Variants in PPM1H observed in about 807,000 individuals in gnomAD.
PPM1H encodes protein phosphatase, Mg2+/Mn2+ dependent 1H, also known as protein phosphatase 1H.
Under a neutral mutation model 54.9 loss-of-function variants are expected in PPM1H, and 27 were observed. That is an observed-to-expected ratio of 0.49 (90% CI 0.36 to 0.68). The LOEUF is 0.68. Among genes scored for constraint, PPM1H ranks in the 30% least tolerant of loss-of-function variants. The pLI, the probability that PPM1H is intolerant of heterozygous loss-of-function variation, is 0.00. For missense variants in PPM1H, 596 were observed against 667.8 expected (o/e 0.89, Z 1.19); for synonymous variants, 305 against 270.8 (o/e 1.13, Z -1.24).
At chr12:62,838,869 C>T (rs1467543135) in intron 1 of PPM1H, among the ~76,000 whole-genome samples, 11 of 90,750 alleles carry the variant, frequency 1.2e-4, no homozygotes, top group Non-Finnish European at 2.1e-4. Context: ...TGCAGTGAGC[C>T]GAGATCGCGC....
At chr12:62,671,722 C>T (rs917948687) in intron 8 of PPM1H, among the ~76,000 whole-genome samples, 18 of 152,208 alleles carry the variant, frequency 1.2e-4, no homozygotes, top group African/African-American at 4.3e-4. Context: ...CCATGGGTCC[C>T]TTCTTGCACC....
intron 6 of PPM1H, among the ~76,000 whole-genome samples, chr12:62,701,405 C>G (rs919437025): frequency 6.6e-6 from 1 of 152,218 alleles, no homozygotes; most frequent in Non-Finnish European, 1.5e-5. Context: ...TATAGGACTT[C>G]TCCACCATAA....
At chr12:62,850,199 T>G (rs185815423) in intron 1 of PPM1H, among the ~76,000 whole-genome samples, 4 of 152,210 alleles carry the variant, frequency 2.6e-5, no homozygotes, top group African/African-American at 9.6e-5. Flanking sequence ...ACTCCTGGGC[T>G]CAAGCAATCA....
At chr12:62,894,569 T>C (rs1870916018) in intron 1 of PPM1H, among the ~76,000 whole-genome samples, 1 of 152,222 alleles carries the variant, frequency 6.6e-6, no homozygotes, top group Non-Finnish European at 1.5e-5. Context: ...TTCCGTGTCC[T>C]CATCTATAAA....
intron 1 of PPM1H, among the ~76,000 whole-genome samples, chr12:62,904,291 T>A (rs1417929486): frequency 3.3e-5 from 5 of 151,974 alleles, no homozygotes; most frequent in Non-Finnish European, 7.4e-5. Flanking sequence ...CAGGCTGGAG[T>A]GCAGTGGCAT....
chr12:62,733,067 C>T (rs1048162572), intron 5 of PPM1H, among the ~76,000 whole-genome samples: 5 of 152,062 alleles, frequency 3.3e-5, no homozygotes, highest in Non-Finnish European at 5.9e-5. Context: ...AGTTACTTTT[C>T]GTTTTAATTT....
chr12:62,837,941 G>A (rs1219348787), intron 1 of PPM1H, among the ~76,000 whole-genome samples: 3 of 152,164 alleles, frequency 2.0e-5, no homozygotes, highest in Admixed American at 2.0e-4. Context: ...TCCCAGAACA[G>A]GGACCTCCTC....
At chr12:62,806,529 T>G (rs1225811527) in intron 2 of PPM1H, among the ~76,000 whole-genome samples, 3 of 152,158 alleles carry the variant, frequency 2.0e-5, no homozygotes, top group Non-Finnish European at 4.4e-5. Flanking sequence ...ATCCCCAGTG[T>G]TGGAGGAGGG....
intron 4 of PPM1H, among the ~76,000 whole-genome samples, chr12:62,784,958 T>C (rs1172700827): frequency 6.6e-6 from 1 of 152,212 alleles, no homozygotes; most frequent in Admixed American, 6.5e-5. Context: ...AAAACCCAAA[T>C]AATCAACTAC....
chr12:62,808,678 A>G (rs919335470), intron 2 of PPM1H, among the ~76,000 whole-genome samples: 2 of 152,008 alleles, frequency 1.3e-5, no homozygotes, highest in African/African-American at 4.8e-5. Context: ...CCTCCTTTAC[A>G]TAACTCCCAC....
rs999897357 is a variant in PPM1H at position 62,667,103 on chromosome 12, G to A, written c.1397+75C>T. 4 of 1,428,578 alleles carry A rather than the reference G, an allele frequency of 2.8e-6. No homozygotes were observed. In the Admixed American group the frequency reaches 7.9e-5, roughly 28 times the overall value. 88.5% of individuals were successfully genotyped at this position (1,428,578 alleles called of 1,614,324 possible). A position where few individuals can be genotyped will look rare whatever the true frequency, so the allele number is the denominator to read the frequency against. ...CTCTAAGTCATGAATTATGAAAATT[G>A]CATGATTATTAATTTCAGGCATGTC... On this transcript the variant is annotated intron_variant, in intron 9 of 9. Coordinates refer to ENST00000228705, the MANE Select transcript of PPM1H (RefSeq NM_020700.2).
At chr12:62,867,564 A>AT (rs34772338) in intron 1 of PPM1H, among the ~76,000 whole-genome samples, 5,219 of 55,284 alleles carry the variant, frequency 0.094, 1,715 homozygotes, top group Non-Finnish European at 0.13. Flanking sequence ...TATGAGCACT[A>AT]TTTTTTTTTT....
chr12:62,776,234 T>C (rs572570416), intron 4 of PPM1H, among the ~76,000 whole-genome samples: 9 of 152,300 alleles, frequency 5.9e-5, no homozygotes, highest in Middle Eastern at 6.8e-3. Context: ...GGCTGTTTCA[T>C]CTGCCAGAAC....
intron 1 of PPM1H, among the ~76,000 whole-genome samples, chr12:62,911,657 C>G (rs1484472340): frequency 6.6e-6 from 1 of 152,216 alleles, no homozygotes; most frequent in African/African-American, 2.4e-5. Flanking sequence ...CTGCTAATCA[C>G]TCATCCTTCA....
intron 8 of PPM1H, among the ~76,000 whole-genome samples, chr12:62,670,957 A>C (rs74096890): frequency 0.02 from 3,072 of 152,178 alleles, 98 homozygotes; most frequent in African/African-American, 0.07. Context: ...GATGCAGAAC[A>C]TTTTGCAAAA....
intron 1 of PPM1H, among the ~76,000 whole-genome samples, chr12:62,877,968 G>T (rs1408631725): frequency 1.3e-5 from 2 of 152,186 alleles, no homozygotes; most frequent in African/African-American, 4.8e-5. Flanking sequence ...CACAATCTCG[G>T]CTCACTGCAA....
At chr12:62,756,604 G>T (rs967250112) in intron 4 of PPM1H, among the ~76,000 whole-genome samples, 1 of 152,032 alleles carries the variant, frequency 6.6e-6, no homozygotes, top group Non-Finnish European at 1.5e-5. Context: ...GGTGGTCCAG[G>T]CCAGGGAATA....
chr12:62,932,893 C>T (rs1425927358), intron 1 of PPM1H, among the ~76,000 whole-genome samples: 1 of 152,064 alleles, frequency 6.6e-6, no homozygotes, highest in Non-Finnish European at 1.5e-5. Context: ...CCTCGGCCTC[C>T]CAAAGTGCTG....
intron 1 of PPM1H, among the ~76,000 whole-genome samples, chr12:62,927,706 C>A (rs985034363): frequency 6.6e-6 from 1 of 150,620 alleles, no homozygotes; most frequent in African/African-American, 2.4e-5. Flanking sequence ...AAATAATATA[C>A]GTTGAAGAGG....
Sources: allele counts gnomAD v4.1 joint callset (sites outside exome capture counted in the v4.1 genomes callset), GRCh38; gene constraint gnomAD v4.1.1; transcripts MANE v1.5; gene names NCBI Gene and HGNC (gene_info 2026-07-23, HGNC 2026-07-21).